INSL6: variants seen among roughly 807,000 people sequenced by gnomAD.
The protein encoded by INSL6 is insulin-like peptide INSL6.
Under a neutral mutation model 9.4 loss-of-function variants are expected in INSL6, and 16 were observed. That is an observed-to-expected ratio of 1.70 (90% CI 1.15 to 2.59). The LOEUF (loss-of-function observed/expected upper bound fraction) is 2.59, where lower values mean the gene tolerates loss of function less well. Among genes scored for constraint, INSL6 ranks in the 30% most tolerant of loss-of-function variants. INSL6 has a pLI of 0.00. For synonymous variants in INSL6, 154 were observed against 96.9 expected (o/e 1.59, Z -3.46); for missense variants, 391 against 257.3 (o/e 1.52, Z -3.56).
the INSL6 span, among the ~76,000 whole-genome samples, chr9:5,063,732 C>T: frequency 6.6e-6 from 1 of 152,066 alleles, no homozygotes; most frequent in Non-Finnish European, 1.5e-5. Flanking sequence ...ATATTGCATC[C>T]TCTTTGTTAC....
At chr9:5,061,000 C>T in the INSL6 span, among the ~76,000 whole-genome samples, 1 of 152,188 alleles carries the variant, frequency 6.6e-6, no homozygotes, top group Non-Finnish European at 1.5e-5. Flanking sequence ...CTTGGGTGAC[C>T]AGGTGCGTTG....
At chr9:5,116,466 C>T in the INSL6 span, among the ~76,000 whole-genome samples, 2 of 152,098 alleles carry the variant, frequency 1.3e-5, no homozygotes, top group Non-Finnish European at 2.9e-5. Context: ...AAGTAAGACT[C>T]ATCTAAAAAT....
At chr9:5,043,915 A>T in the INSL6 span, among the ~76,000 whole-genome samples, 177 of 152,322 alleles carry the variant, frequency 1.2e-3, 1 homozygote, top group South Asian at 8.1e-3. Context: ...AAAACATTGA[A>T]TTTTACACTT....
intron 1 of INSL6, among the ~76,000 whole-genome samples, chr9:5,175,222 G>T (rs1161164288): frequency 6.6e-6 from 1 of 152,156 alleles, no homozygotes; most frequent in Non-Finnish European, 1.5e-5. Flanking sequence ...TTACAGGCAT[G>T]AGCCACCGCG....
the INSL6 span, chr9:5,085,600 G>A: frequency 1.4e-6 from 1 of 697,102 alleles, no homozygotes; most frequent in Admixed American, 2.0e-5. Flanking sequence ...AGATACTACA[G>A]AAAGAATTAA....
At chr9:5,107,770 C>T in the INSL6 span, among the ~76,000 whole-genome samples, 2 of 151,912 alleles carry the variant, frequency 1.3e-5, no homozygotes, top group Non-Finnish European at 2.9e-5. Context: ...TCATAATTAC[C>T]CTTATAACTT....
chr9:5,024,178 C>T, the INSL6 span, among the ~76,000 whole-genome samples: 1 of 152,108 alleles, frequency 6.6e-6, no homozygotes, highest in Non-Finnish European at 1.5e-5. Flanking sequence ...ATGGCATGAA[C>T]CCAGGAGGCG....
chr9:5,177,100 G>T (rs948542096), intron 1 of INSL6, among the ~76,000 whole-genome samples: 7 of 152,074 alleles, frequency 4.6e-5, no homozygotes, highest in African/African-American at 1.7e-4. Context: ...GCACAAGATG[G>T]CCAATTAGAT....
chr9:5,030,997 A>G, the INSL6 span, among the ~76,000 whole-genome samples: 1 of 152,166 alleles, frequency 6.6e-6, no homozygotes, highest in Admixed American at 6.5e-5. Flanking sequence ...CAGTGTAGCT[A>G]CAAAAACCCT....
chr9:5,050,760 G>C, the INSL6 span: 5 of 1,613,108 alleles, frequency 3.1e-6, no homozygotes, highest in Non-Finnish European at 3.4e-6. Context: ...GTCTTGGGAT[G>C]GCAGTGTTAG....
chr9:5,159,540 C>T (rs758214003), downstream of INSL6, among the ~76,000 whole-genome samples: 2 of 151,852 alleles, frequency 1.3e-5, no homozygotes, highest in Non-Finnish European at 2.9e-5. Context: ...AAGACAAAAA[C>T]TATAAAAAGA....
At chr9:5,123,542 A>C (rs1243776940), downstream of INSL6, among the ~76,000 whole-genome samples, 1 of 151,934 alleles carries the variant, frequency 6.6e-6, no homozygotes, top group Non-Finnish European at 1.5e-5. Context: ...TTCTTTATCC[A>C]GTCATCCACT....
the INSL6 span, among the ~76,000 whole-genome samples, chr9:5,010,109 G>A: frequency 7.9e-5 from 12 of 152,230 alleles, 1 homozygote; most frequent in South Asian, 2.1e-3. Flanking sequence ...CCTCTACTCT[G>A]TCATTCTAGT....
chr9:5,125,783 T>TA (rs1347977471), intron 3 of INSL6, among the ~76,000 whole-genome samples: 1 of 151,578 alleles, frequency 6.6e-6, no homozygotes, highest in Admixed American at 6.6e-5. Flanking sequence ...GGTATGTATA[T>TA]ATGTGAATTA....
chr9:5,070,474 G>A, the INSL6 span, among the ~76,000 whole-genome samples: 8 of 152,064 alleles, frequency 5.3e-5, no homozygotes, highest in Non-Finnish European at 1.2e-4. Flanking sequence ...AAAATCTGAG[G>A]ATACTTAAGT....
the INSL6 span, among the ~76,000 whole-genome samples, chr9:5,032,152 T>C: frequency 6.6e-6 from 1 of 152,160 alleles, no homozygotes; most frequent in African/African-American, 2.4e-5. Flanking sequence ...CGCTCATTGC[T>C]AGCACAGCAG....
At chr9:5,103,731 T>G in the INSL6 span, among the ~76,000 whole-genome samples, 1 of 152,040 alleles carries the variant, frequency 6.6e-6, no homozygotes, top group Non-Finnish European at 1.5e-5. Flanking sequence ...CAGAGCACAG[T>G]GCAATCAAAT....
the INSL6 span, chr9:5,022,301 TTTTTA>T: frequency 1.3e-6 from 1 of 763,224 alleles, no homozygotes; most frequent in African/African-American, 1.8e-5. Flanking sequence ...ATAATATATA[TTTTTA>T]TTTTTTTAAT....
At chr9:5,179,907 T>C (rs140726023) in intron 1 of INSL6, among the ~76,000 whole-genome samples, 19 of 152,240 alleles carry the variant, frequency 1.2e-4, no homozygotes, top group South Asian at 8.3e-4. Context: ...GATTAATACA[T>C]AGGTGATAGG....
Sources: gnomAD v4.1 joint callset for allele counts (sites outside exome capture counted in the v4.1 genomes callset) on GRCh38, gnomAD v4.1.1 for gene constraint, MANE v1.5 for transcripts, NCBI Gene and HGNC (gene_info 2026-07-23, HGNC 2026-07-21) for gene names.